The following TBL1XR1 variants were observed in gnomAD, a reference collection of about 807,000 sequenced individuals.
The protein encoded by TBL1XR1 is F-box-like/WD repeat-containing protein TBL1XR1.
Under a neutral mutation model 66.9 loss-of-function variants are expected in TBL1XR1, and 5 were observed. That is an observed-to-expected ratio of 0.07 (90% confidence interval 0.04 to 0.16). The LOEUF is 0.16. Among genes scored for constraint, TBL1XR1 ranks in the 10% least tolerant of loss-of-function variants. The pLI is 1.00. For missense variants in TBL1XR1, 238 were observed against 623.2 expected, an observed-to-expected ratio of 0.38 and a Z score of 6.58; for synonymous variants, 210 against 206.0, an observed-to-expected ratio of 1.02 and a Z score of -0.17.
At chr3:177,192,520 G>A (rs1039985379) in intron 1 of TBL1XR1, among the ~76,000 whole-genome samples, 20 of 131,900 alleles carry the variant, frequency 1.5e-4, no homozygotes, top group Non-Finnish European at 2.5e-4. Context: ...ATCCACCACC[G>A]TACCTACACC....
At chr3:177,142,869 G>A (rs1248432371) in intron 1 of TBL1XR1, among the ~76,000 whole-genome samples, 1 of 152,004 alleles carries the variant, frequency 6.6e-6, no homozygotes, top group East Asian at 1.9e-4. Flanking sequence ...TGCACAAAAT[G>A]ATGAAAAATT....
intron 14 of TBL1XR1, among the ~76,000 whole-genome samples, chr3:177,029,456 C>A (rs1230935623): frequency 1.3e-5 from 2 of 151,884 alleles, no homozygotes; most frequent in Non-Finnish European, 2.9e-5. Context: ...CCGGTCTCTA[C>A]AGAAAAATAC....
At chr3:177,201,414 C>CAAAAAA (rs557996871), upstream of TBL1XR1, among the ~76,000 whole-genome samples, 52 of 41,074 alleles carry the variant, frequency 1.3e-3, no homozygotes, top group South Asian at 4.4e-3. Context: ...GATTACATCT[C>CAAAAAA]AAAAAAAAAA....
At chr3:177,166,427 C>T (rs1217156945) in intron 1 of TBL1XR1, among the ~76,000 whole-genome samples, 1 of 152,120 alleles carries the variant, frequency 6.6e-6, no homozygotes, top group Non-Finnish European at 1.5e-5. Flanking sequence ...TATGGTTTGG[C>T]TTTGTGTTCC....
At chr3:177,145,048 T>C (rs1730084160) in intron 1 of TBL1XR1, among the ~76,000 whole-genome samples, 1 of 152,218 alleles carries the variant, frequency 6.6e-6, no homozygotes, top group African/African-American at 2.4e-5. Flanking sequence ...CACAGGCTGA[T>C]TTTGTTGACT....
chr3:177,082,884 T>C (rs1721610761), intron 2 of TBL1XR1, among the ~76,000 whole-genome samples: 1 of 149,578 alleles, frequency 6.7e-6, no homozygotes, highest in African/African-American at 2.5e-5. Flanking sequence ...GCCTCTGGAG[T>C]AGCTGGGACT....
At chr3:177,142,465 A>T (rs1729747040) in intron 1 of TBL1XR1, among the ~76,000 whole-genome samples, 1 of 152,204 alleles carries the variant, frequency 6.6e-6, no homozygotes, top group South Asian at 2.1e-4. Context: ...TGCCATGGCA[A>T]TGATAAACTA....
intron 1 of TBL1XR1, among the ~76,000 whole-genome samples, chr3:177,121,234 G>C (rs1726938476): frequency 6.6e-6 from 1 of 152,104 alleles, no homozygotes; most frequent in Admixed American, 6.5e-5. Flanking sequence ...TGTCATAAAA[G>C]ACAGAATGGC....
intron 3 of TBL1XR1, among the ~76,000 whole-genome samples, chr3:177,063,584 T>C (rs984878219): frequency 6.6e-6 from 1 of 152,260 alleles, no homozygotes; most frequent in African/African-American, 2.4e-5. Context: ...CACAAGTATT[T>C]GAAATTGTTA....
At chr3:177,176,910 G>T (rs1359061171) in intron 1 of TBL1XR1, among the ~76,000 whole-genome samples, 1 of 152,136 alleles carries the variant, frequency 6.6e-6, no homozygotes, top group African/African-American at 2.4e-5. Context: ...AGCCCAGGAG[G>T]TCAAGGCTGC....
intron 1 of TBL1XR1, among the ~76,000 whole-genome samples, chr3:177,167,492 T>C (rs537988129): frequency 1.9e-4 from 29 of 152,324 alleles, no homozygotes; most frequent in Non-Finnish European, 2.8e-4. Context: ...TGGGTGATAA[T>C]GATGTCAACT....
intron 1 of TBL1XR1, among the ~76,000 whole-genome samples, chr3:177,143,783 TTCA>T (rs1729912531): frequency 6.6e-6 from 1 of 152,100 alleles, no homozygotes; most frequent in East Asian, 1.9e-4. Flanking sequence ...TGATAGTTCA[TTCA>T]GGCTCTAACA....
At chr3:177,154,586 G>T (rs1731275202) in intron 1 of TBL1XR1, among the ~76,000 whole-genome samples, 3 of 151,934 alleles carry the variant, frequency 2.0e-5, no homozygotes, top group African/African-American at 7.3e-5. Context: ...TAGTAGAAAC[G>T]GGGTTTCGCC....
intron 1 of TBL1XR1, among the ~76,000 whole-genome samples, chr3:177,159,403 C>T (rs1035806586): frequency 1.3e-5 from 2 of 152,110 alleles, no homozygotes; most frequent in African/African-American, 4.8e-5. Context: ...ACATTCAATG[C>T]TGTTGTGAGA....
chr3:177,195,931 G>C, intron 1 of TBL1XR1, among the ~76,000 whole-genome samples: 1 of 152,134 alleles, frequency 6.6e-6, no homozygotes, highest in Non-Finnish European at 1.5e-5. Flanking sequence ...GTAAACTCCA[G>C]ACACTGAGAA....
At chr3:177,106,082 A>T (rs1724848330) in intron 1 of TBL1XR1, among the ~76,000 whole-genome samples, 1 of 152,158 alleles carries the variant, frequency 6.6e-6, no homozygotes, top group Admixed American at 6.5e-5. Context: ...TGAACAGAAA[A>T]GTAAGGACAA....
At chr3:177,043,949 CT>C (rs780381552) in intron 10 of TBL1XR1, among the ~76,000 whole-genome samples, 1 of 152,106 alleles carries the variant, frequency 6.6e-6, no homozygotes. Flanking sequence ...TTTTCTGCCC[CT>C]CTTCCCTCCC....
At chr3:177,072,834 C>A (rs1403425995) in intron 2 of TBL1XR1, among the ~76,000 whole-genome samples, 1 of 152,152 alleles carries the variant, frequency 6.6e-6, no homozygotes, top group Non-Finnish European at 1.5e-5. Flanking sequence ...GAAGCCGAGG[C>A]GGGTGGATCA....
chr3:177,121,160 CATA>C (rs1303271843), intron 1 of TBL1XR1, among the ~76,000 whole-genome samples: 1 of 152,102 alleles, frequency 6.6e-6, no homozygotes, highest in Non-Finnish European at 1.5e-5. Flanking sequence ...CACAGTTAAA[CATA>C]ATCCAAATCT....
Sources: allele counts gnomAD v4.1 joint callset (sites outside exome capture counted in the v4.1 genomes callset), GRCh38; gene constraint gnomAD v4.1.1; transcripts MANE v1.5; gene names NCBI Gene and HGNC (gene_info 2026-07-23, HGNC 2026-07-21).